Variants in LIN28B observed in about 807,000 individuals in gnomAD.
The protein encoded by LIN28B is lin-28 RNA binding posttranscriptional regulator B, also known as protein lin-28 homolog B.
In LIN28B, 5 loss-of-function variants were observed where a neutral mutation model predicts 21.9. That is an observed-to-expected ratio of 0.23 (90% CI 0.12 to 0.48). The LOEUF is 0.48. Ranked by LOEUF, LIN28B falls within the 20% of genes least tolerant of loss-of-function variation. The pLI is 0.98. For missense variants in LIN28B, 245 were observed against 310.5 expected, an observed-to-expected ratio of 0.79 and a Z score of 1.58; for synonymous variants, 109 against 111.3, an observed-to-expected ratio of 0.98 and a Z score of 0.13.
At chr6:104,958,069 G>A in intron 1 of LIN28B, 30 bp from the exon 2 acceptor site, 1 of 1,478,242 alleles carries the variant, frequency 6.8e-7, no homozygotes, top group African/African-American at 1.4e-5. Context: ...TGGGAATACA[G>A]ACTGACTTTT....
intron 3 of LIN28B, among the ~76,000 whole-genome samples, chr6:105,032,179 G>A: frequency 6.6e-6 from 1 of 152,050 alleles, no homozygotes; most frequent in East Asian, 1.9e-4. Context: ...TCTATTGAAG[G>A]GCATTTGAGT....
chr6:104,991,618 G>A (rs1298937387), intron 2 of LIN28B, among the ~76,000 whole-genome samples: 1 of 152,100 alleles, frequency 6.6e-6, no homozygotes, highest in Non-Finnish European at 1.5e-5. Context: ...GGTGGTGGCC[G>A]GGCAGAGGCT....
chr6:104,992,301 C>T (rs1770503657), intron 2 of LIN28B, among the ~76,000 whole-genome samples: 1 of 152,146 alleles, frequency 6.6e-6, no homozygotes, highest in Admixed American at 6.6e-5. Flanking sequence ...AGGTGATCCG[C>T]CCACCTTGGC....
intron 2 of LIN28B, among the ~76,000 whole-genome samples, chr6:104,975,841 C>CTTTT (rs532004311): frequency 3.7e-5 from 5 of 135,382 alleles, no homozygotes; most frequent in Middle Eastern, 3.9e-3. Context: ...TCTTCTTCTT[C>CTTTT]TTTTTTTTTT....
chr6:105,078,790 T>G lies in LIN28B; in HGVS notation c.*7T>G, dbSNP rs749856642. On this transcript the variant is annotated 3_prime_UTR_variant, in exon 4 of 4. Transcript: ENST00000345080. The stretch of plus-strand genomic sequence containing the variant: ...AAAAAGGAAAAAGACATAACAGGTC[T>G]TCTTCATATGTTCTTTCCTTTACCC... 19 of 1,609,514 alleles carry G rather than the reference T, an allele frequency of 1.2e-5. No homozygotes were observed. In the South Asian group the frequency reaches 1.7e-4, roughly 14 times the overall value.
intron 2 of LIN28B, among the ~76,000 whole-genome samples, chr6:104,999,187 T>C (rs1770671466): frequency 6.6e-6 from 1 of 152,228 alleles, no homozygotes; most frequent in Non-Finnish European, 1.5e-5. Flanking sequence ...AGGTGGGGGC[T>C]AGAGTTCAGT....
intron 2 of LIN28B, among the ~76,000 whole-genome samples, chr6:105,008,862 C>G (rs1413584057): frequency 6.6e-6 from 1 of 152,092 alleles, no homozygotes; most frequent in Admixed American, 6.5e-5. Context: ...AAAAAGGAAA[C>G]CACTTCTAGC....
intron 3 of LIN28B, among the ~76,000 whole-genome samples, chr6:105,045,038 A>G (rs949604563): frequency 2.0e-5 from 3 of 152,132 alleles, no homozygotes; most frequent in Admixed American, 1.3e-4. Context: ...AGCTACAAGT[A>G]TATGTGCTGT....
chr6:105,062,409 A>G (rs1462070761), intron 3 of LIN28B, among the ~76,000 whole-genome samples: 4 of 152,214 alleles, frequency 2.6e-5, no homozygotes, highest in African/African-American at 9.6e-5. Context: ...TTGCTATACC[A>G]GGAAGAACAG....
At chr6:104,981,000 CA>C (rs1456534906) in intron 2 of LIN28B, among the ~76,000 whole-genome samples, 3 of 151,994 alleles carry the variant, frequency 2.0e-5, no homozygotes, top group Admixed American at 2.0e-4. Flanking sequence ...TAATGCCAAG[CA>C]GAACTAAGGT....
At chr6:104,958,589 A>G (rs1018854541) in intron 2 of LIN28B, among the ~76,000 whole-genome samples, 4 of 152,202 alleles carry the variant, frequency 2.6e-5, no homozygotes, top group Non-Finnish European at 4.4e-5. Context: ...TATTACCTAT[A>G]CAATATACTT....
intron 3 of LIN28B, among the ~76,000 whole-genome samples, chr6:105,066,907 T>C (rs1772230193): frequency 6.6e-6 from 1 of 152,032 alleles, no homozygotes; most frequent in Non-Finnish European, 1.5e-5. Flanking sequence ...AACAAAAGCC[T>C]AAAAGAAATC....
At chr6:105,063,612 G>T (rs1462902933) in intron 3 of LIN28B, among the ~76,000 whole-genome samples, 1 of 144,338 alleles carries the variant, frequency 6.9e-6, no homozygotes, top group Admixed American at 7.1e-5. Flanking sequence ...CTCCAGCCTG[G>T]GCGACAGAGC....
At position 104,960,610 on chromosome 6, in the gene LIN28B, A is replaced by AT. The variant is rs908535722; in HGVS notation, c.198+2334dup. On this transcript the variant is annotated intron_variant, in intron 2 of 3. Coordinates refer to ENST00000345080, the MANE Select transcript of LIN28B (RefSeq NM_001004317.4). Reference sequence around the variant, plus strand: ...TGTTTGGAAGTACATGTGTCACTGGATTTTTTTTTTGAAGTATTCTGAAAC... The same window carrying AT: ...TGTTTGGAAGTACATGTGTCACTGGATTTTTTTTTTTGAAGTATTCTGAAAC... Among the ~76,000 whole-genome samples the AT allele has an allele frequency of 1.2e-3, 186 of 149,886 alleles. 1 individual carries two copies. The highest frequency in any genetic ancestry group is 3.5e-3 in the Middle Eastern group (1 of 288).
intron 3 of LIN28B, among the ~76,000 whole-genome samples, chr6:105,051,218 A>C (rs1771895033): frequency 6.6e-6 from 1 of 151,558 alleles, no homozygotes; most frequent in South Asian, 2.1e-4. Flanking sequence ...AGTCGGGTGG[A>C]TCATGAGGTC....
intron 2 of LIN28B, among the ~76,000 whole-genome samples, chr6:104,989,672 C>T (rs1261215366): frequency 8.5e-6 from 1 of 117,768 alleles, no homozygotes; most frequent in Non-Finnish European, 1.8e-5. Flanking sequence ...AGGCTCGCTG[C>T]AGCCTCTGCC....
intron 1 of LIN28B, among the ~76,000 whole-genome samples, chr6:104,957,606 A>AT (rs1554274346): frequency 6.6e-6 from 1 of 152,022 alleles, no homozygotes; most frequent in Non-Finnish European, 1.5e-5. Context: ...ATTGAAAGTT[A>AT]TGGGGGGGAG....
intron 2 of LIN28B, among the ~76,000 whole-genome samples, chr6:105,003,976 A>G (rs920124112): frequency 1.3e-5 from 2 of 152,202 alleles, no homozygotes; most frequent in Non-Finnish European, 2.9e-5. Context: ...AAATCACACA[A>G]TCACAAGGTC....
chr6:105,059,517 A>C (rs2114398744), intron 3 of LIN28B, among the ~76,000 whole-genome samples: 1 of 152,276 alleles, frequency 6.6e-6, no homozygotes, highest in Admixed American at 6.5e-5. Flanking sequence ...CATGTGGTTA[A>C]CTTGTAGTTT....
Sources: allele counts gnomAD v4.1 joint callset (sites outside exome capture counted in the v4.1 genomes callset), GRCh38; gene constraint gnomAD v4.1.1; transcripts MANE v1.5; gene names NCBI Gene and HGNC (gene_info 2026-07-23, HGNC 2026-07-21).